FCF1: variants seen among roughly 807,000 people sequenced by gnomAD.
The protein encoded by FCF1 is FCF1 rRNA-processing protein.
Under a neutral mutation model 32.5 loss-of-function variants are expected in FCF1, and 17 were observed. The observed-to-expected ratio is 0.52, with a 90% CI of 0.36 to 0.78. The LOEUF is 0.78. FCF1 is among the 30% of genes least tolerant of loss of function. The pLI, the probability that FCF1 is intolerant of heterozygous loss-of-function variation, is 0.00. For synonymous variants in FCF1, 84 were observed against 78.4 expected (o/e 1.07, Z -0.38); for missense variants, 201 against 241.1 (o/e 0.83, Z 1.10).
Position 74,735,086 on chromosome 14 carries a change from A to C in FCF1, c.*156A>C. On this transcript the variant is annotated 3_prime_UTR_variant, in exon 8 of 8. Transcript: ENST00000341162. ...TAGGTGCACCAGCCCAGTCAGATTA[A>C]CATCCAAAGGACTGAACCCTGAACA... 3.0e-6 allele frequency: 2 copies of C among 668,734 alleles called. No individual in the cohort carries two copies. Among genetic ancestry groups the C allele is most frequent in the Non-Finnish European group, 5.3e-6 (2 of 380,930 alleles). 41.4% of individuals were successfully genotyped at this position (668,734 alleles called of 1,614,324 possible). A position where few individuals can be genotyped will look rare whatever the true frequency, so the allele number is the denominator to read the frequency against.
At position 74,723,332 on chromosome 14, in the gene FCF1, G is replaced by A. The variant is rs771464162; in HGVS notation, c.353G>A (p.Arg118Gln). 8.7e-6 allele frequency: 14 copies of A among 1,612,562 alleles called. No homozygotes were observed. The highest frequency in any genetic ancestry group is 1.1e-5 in the Non-Finnish European group (13 of 1,178,896). ...ATTGAGAAATTGGGGCAGAAGTATC[G>A]AGTGGCTCTAAGGTAGGAAGGAGGT... ...AEIEKLGQKYRVALRIAKDPR... is the reference protein window; with the variant it reads ...AEIEKLGQKYQVALRIAKDPR... Residue 118 changes from arginine to glutamine, a missense_variant, in exon 5 of 8, where the codon CGA (arginine) becomes CAA (glutamine). By Grantham distance (43) the Arg-to-Gln change is conservative. Coordinates refer to ENST00000341162, the MANE Select transcript of FCF1 (RefSeq NM_015962.5).
Position 74,713,148 on chromosome 14 carries a change from A to G in FCF1, c.-50A>G, listed in dbSNP as rs757442593. ...CGGAAGCAGTATGTGAATGACGTAG[A>G]AGTATTGCGCCGTTGGTGATTACGG... On this transcript the variant is annotated 5_prime_UTR_variant, in exon 1 of 8. Transcript: ENST00000341162. The G allele has an allele frequency of 1.2e-6, 2 of 1,614,010 alleles. No homozygotes were observed. The highest frequency in any genetic ancestry group is 1.3e-5 in the African/African-American group (1 of 74,910).
intron 4 of FCF1, 61 bp from the exon 5 acceptor site, chr14:74,723,211 A>G: frequency 8.2e-7 from 1 of 1,221,756 alleles, no homozygotes; most frequent in Non-Finnish European, 1.2e-6. Flanking sequence ...GAGCAGGGAT[A>G]TAATTCAGAG....
chr14:74,725,827 T>A (rs1293891222), intron 5 of FCF1, among the ~76,000 whole-genome samples: 1 of 150,588 alleles, frequency 6.6e-6, no homozygotes, highest in African/African-American at 2.5e-5. Flanking sequence ...TCCCAGCTGC[T>A]GGGGAGGCTG....
intron 3 of FCF1, among the ~76,000 whole-genome samples, chr14:74,715,241 A>G (rs1232324068): frequency 6.6e-6 from 1 of 152,196 alleles, no homozygotes; most frequent in Non-Finnish European, 1.5e-5. Flanking sequence ...AGTTCATAAA[A>G]GAGAGACTGT....
chr14:74,736,285 G>A lies in FCF1; in HGVS notation c.*1355G>A, dbSNP rs1420888447. On this transcript the variant is annotated 3_prime_UTR_variant, in exon 8 of 8. Transcript: ENST00000341162. ...AAATTAGCTGGGTATGGTGTCACGTGCCTGTAATCCCAGCCACTGGGGAGG... is the reference window on the plus strand; with the variant it reads ...AAATTAGCTGGGTATGGTGTCACGTACCTGTAATCCCAGCCACTGGGGAGG... 6.6e-6 allele frequency: 1 copy of A among 152,102 alleles called. No homozygotes were observed. The highest frequency in any genetic ancestry group is 1.9e-4 in the East Asian group (1 of 5,170). 9.4% of individuals were successfully genotyped at this position (152,102 alleles called of 1,614,324 possible). A position where few individuals can be genotyped will look rare whatever the true frequency, so the allele number is the denominator to read the frequency against.
At chr14:74,720,971 C>T (rs1449182121) in intron 4 of FCF1, among the ~76,000 whole-genome samples, 2 of 151,182 alleles carry the variant, frequency 1.3e-5, no homozygotes, top group East Asian at 1.9e-4. Flanking sequence ...CTCTGCCTCC[C>T]GGGTTCAAGC....
intron 4 of FCF1, among the ~76,000 whole-genome samples, chr14:74,721,756 T>C (rs983323782): frequency 6.6e-6 from 1 of 152,220 alleles, no homozygotes; most frequent in Admixed American, 6.5e-5. Flanking sequence ...GGTGTAAAGT[T>C]ACATACTATT....
At chr14:74,724,207 G>A (rs2090545456) in intron 5 of FCF1, among the ~76,000 whole-genome samples, 1 of 152,158 alleles carries the variant, frequency 6.6e-6, no homozygotes, top group African/African-American at 2.4e-5. Flanking sequence ...CTTTTAACCT[G>A]GAGATCACAT....
chr14:74,727,218 T>A (rs1048038930), intron 5 of FCF1, among the ~76,000 whole-genome samples: 1 of 152,216 alleles, frequency 6.6e-6, no homozygotes, highest in Non-Finnish European at 1.5e-5. Flanking sequence ...TTTACAGTCC[T>A]GCCAACAGTG....
At position 74,734,060 on chromosome 14, in the gene FCF1, T is replaced by A. The variant is rs1212757817; in HGVS notation, c.454-16T>A. On this transcript the variant is annotated splice_polypyrimidine_tract_variant and intron_variant, in intron 6 of 7. Coordinates refer to ENST00000341162, the MANE Select transcript of FCF1 (RefSeq NM_015962.5). Reference sequence around the variant, plus strand: ...TCAGTGACCTCAGTGTGAACATCACTCCATGTCTCTTACAGCATAAGTGTT... The same window carrying A: ...TCAGTGACCTCAGTGTGAACATCACACCATGTCTCTTACAGCATAAGTGTT... 1 of 1,583,134 alleles carries A rather than the reference T, an allele frequency of 6.3e-7. No individual in the cohort carries two copies. The highest frequency in any genetic ancestry group is 1.1e-5 in the South Asian group (1 of 90,398).
At chr14:74,716,906 C>T (rs2090428533) in intron 4 of FCF1, among the ~76,000 whole-genome samples, 1 of 152,118 alleles carries the variant, frequency 6.6e-6, no homozygotes, top group Non-Finnish European at 1.5e-5. Flanking sequence ...TAATGAACAA[C>T]AGTTGCAGAG....
At chr14:74,729,549 A>G (rs1438473626) in intron 5 of FCF1, among the ~76,000 whole-genome samples, 1 of 151,988 alleles carries the variant, frequency 6.6e-6, no homozygotes, top group Non-Finnish European at 1.5e-5. Context: ...GTTTCAAAAA[A>G]CCAGCTCCTG....
chr14:74,730,868 G>A lies in FCF1; in HGVS notation c.366-1863G>A, dbSNP rs548396789. 2.6e-4 allele frequency among the ~76,000 whole-genome samples: 40 copies of A among 152,194 alleles called. No homozygotes were observed. In the South Asian group the frequency reaches 2.9e-3, roughly 11 times the overall value. ...TACAAAATTAGCTGGGCATGGTGGC[G>A]CATGCCTGTAATCCCAGCTACTCAG... On this transcript the variant is annotated intron_variant, in intron 5 of 7. Transcript: ENST00000341162.
Position 74,736,415 on chromosome 14 carries a change from A to C in FCF1, c.*1485A>C, listed in dbSNP as rs1240835160. 5.3e-5 allele frequency: 8 copies of C among 152,282 alleles called. No homozygotes were observed. Among genetic ancestry groups the C allele is most frequent in the African/African-American group, 1.9e-4 (8 of 41,526 alleles). 9.4% of individuals were successfully genotyped at this position (152,282 alleles called of 1,614,324 possible). A position where few individuals can be genotyped will look rare whatever the true frequency, so the allele number is the denominator to read the frequency against. ...TGACAGAGTGAGACTGTCTCAAAAA[A>C]AAAAAAAAATTAATGATGGTCAAAG... On this transcript the variant is annotated 3_prime_UTR_variant, in exon 8 of 8. Coordinates refer to ENST00000341162, the MANE Select transcript of FCF1 (RefSeq NM_015962.5).
chr14:74,730,204 T>C (rs540376336), intron 5 of FCF1, among the ~76,000 whole-genome samples: 26 of 147,856 alleles, frequency 1.8e-4, no homozygotes, highest in Non-Finnish European at 7.4e-5. Flanking sequence ...TATGTGTATA[T>C]GCTTTTTTTT....
chr14:74,727,377 A>G (rs1422343554), intron 5 of FCF1, among the ~76,000 whole-genome samples: 2 of 151,784 alleles, frequency 1.3e-5, no homozygotes, highest in Non-Finnish European at 1.5e-5. Context: ...GCATTTTTTC[A>G]TGTGTTTTTT....
At chr14:74,713,274 G>A (rs969643454) in intron 1 of FCF1, 74 bp downstream of exon 1, 22 of 1,613,940 alleles carry the variant, frequency 1.4e-5, no homozygotes, top group African/African-American at 8.0e-5. Context: ...TCAGACCGTG[G>A]CCAAATTTCC....
intron 5 of FCF1, among the ~76,000 whole-genome samples, chr14:74,725,046 C>CT (rs2090557527): frequency 6.7e-6 from 1 of 150,210 alleles, no homozygotes; most frequent in African/African-American, 2.4e-5. Context: ...TAGATAAAAT[C>CT]TATCTCGTGC....
Sources: gnomAD v4.1 joint callset for allele counts (sites outside exome capture counted in the v4.1 genomes callset) on GRCh38, gnomAD v4.1.1 for gene constraint, MANE v1.5 for transcripts, NCBI Gene and HGNC (gene_info 2026-07-23, HGNC 2026-07-21) for gene names.